Variants in NAA11 observed in about 807,000 individuals in gnomAD.
NAA11 encodes the protein N-alpha-acetyltransferase 11, NatA catalytic subunit.
Under a neutral mutation model 16.1 loss-of-function variants are expected in NAA11, and 15 were observed. The observed-to-expected ratio is 0.93, with a 90% confidence interval of 0.62 to 1.44. The LOEUF is 1.44. NAA11 is among the 40% of genes most tolerant of loss of function. NAA11 has a pLI of 0.00. For missense variants in NAA11, 298 were observed against 291.3 expected, an observed-to-expected ratio of 1.02 and a Z score of -0.17; for synonymous variants, 122 against 112.4, an observed-to-expected ratio of 1.09 and a Z score of -0.54.
the NAA11 span, among the ~76,000 whole-genome samples, chr4:79,215,660 A>G: frequency 3.3e-5 from 5 of 152,248 alleles, no homozygotes; most frequent in African/African-American, 4.8e-5. Flanking sequence ...CTATGTGAGT[A>G]TTCTGTCTTA....
chr4:79,246,730 A>G (rs970563281), intron 2 of NAA11, among the ~76,000 whole-genome samples: 1 of 152,256 alleles, frequency 6.6e-6, no homozygotes, highest in Admixed American at 6.5e-5. Context: ...GCATTCTTTC[A>G]TTTAATTAAT....
chr4:79,241,901 T>G (rs1395681195), intron 2 of NAA11, among the ~76,000 whole-genome samples: 1 of 152,252 alleles, frequency 6.6e-6, no homozygotes, highest in East Asian at 1.9e-4. Flanking sequence ...CACCTATCAC[T>G]ACATGCTTTT....
At chr4:79,178,970 A>C in the NAA11 span, among the ~76,000 whole-genome samples, 1 of 152,170 alleles carries the variant, frequency 6.6e-6, no homozygotes, top group East Asian at 1.9e-4. Context: ...ATGGGACTGG[A>C]GCCCAGAGAG....
the NAA11 span, among the ~76,000 whole-genome samples, chr4:79,210,170 G>GAGTC: frequency 6.6e-6 from 1 of 152,288 alleles, no homozygotes; most frequent in East Asian, 1.9e-4. Context: ...TCTGAAAAGG[G>GAGTC]AGTCAGTGGA....
the NAA11 span, among the ~76,000 whole-genome samples, chr4:79,205,131 T>C: frequency 2.0e-5 from 3 of 152,010 alleles, no homozygotes; most frequent in Non-Finnish European, 4.4e-5. Context: ...TAAATAGATA[T>C]GTGAGGTTGT....
At chr4:79,313,265 T>C (rs991514457), downstream of NAA11, among the ~76,000 whole-genome samples, 13 of 152,222 alleles carry the variant, frequency 8.5e-5, no homozygotes, top group African/African-American at 3.1e-4. Flanking sequence ...GGTTTTTTTT[T>C]ACACTAACTC....
chr4:79,218,787 A>G, the NAA11 span, among the ~76,000 whole-genome samples: 6 of 152,130 alleles, frequency 3.9e-5, no homozygotes, highest in African/African-American at 1.4e-4. Flanking sequence ...AAGATTTTCA[A>G]CATAGCTACA....
chr4:79,266,224 A>G (rs944456352), intron 2 of NAA11, among the ~76,000 whole-genome samples: 4 of 152,172 alleles, frequency 2.6e-5, no homozygotes, highest in Non-Finnish European at 5.9e-5. Flanking sequence ...GGAATCCATT[A>G]TGATCGGCAC....
the NAA11 span, among the ~76,000 whole-genome samples, chr4:79,169,363 A>G: frequency 6.6e-6 from 1 of 152,214 alleles, no homozygotes; most frequent in Admixed American, 6.5e-5. Context: ...CTATACTACA[A>G]GGCTACAGTA....
At chr4:79,183,838 G>A in the NAA11 span, among the ~76,000 whole-genome samples, 1,945 of 152,202 alleles carry the variant, frequency 0.013, 42 homozygotes, top group African/African-American at 0.044. Flanking sequence ...TTCTAAGGAT[G>A]TTTTAAATTT....
intron 2 of NAA11, among the ~76,000 whole-genome samples, chr4:79,232,818 T>C (rs1368602504): frequency 6.6e-6 from 1 of 151,930 alleles, no homozygotes; most frequent in Non-Finnish European, 1.5e-5. Context: ...CTAGATTGAG[T>C]CATGCTCTGT....
intron 2 of NAA11, among the ~76,000 whole-genome samples, chr4:79,240,648 G>A (rs1434802289): frequency 6.6e-6 from 1 of 152,174 alleles, no homozygotes; most frequent in East Asian, 1.9e-4. Flanking sequence ...ATGGGGAGAT[G>A]AGACTGCCAA....
intron 1 of NAA11, among the ~76,000 whole-genome samples, chr4:79,318,808 T>G (rs1338119776): frequency 6.6e-6 from 1 of 152,186 alleles, no homozygotes; most frequent in Non-Finnish European, 1.5e-5. Context: ...GCTTGAAAAT[T>G]TTAAGAAATT....
intron 2 of NAA11, among the ~76,000 whole-genome samples, chr4:79,272,658 T>C (rs1357309775): frequency 6.6e-6 from 1 of 152,072 alleles, no homozygotes; most frequent in African/African-American, 2.4e-5. Context: ...TCAGGAGTTA[T>C]GTCATCAGTA....
chr4:79,204,928 TACAC>T, the NAA11 span, among the ~76,000 whole-genome samples: 4 of 147,780 alleles, frequency 2.7e-5, no homozygotes, highest in African/African-American at 4.9e-5. Flanking sequence ...ATGGTGTGTA[TACAC>T]ACACACACAC....
At chr4:79,266,154 A>G (rs1194061831) in intron 2 of NAA11, among the ~76,000 whole-genome samples, 1 of 152,192 alleles carries the variant, frequency 6.6e-6, no homozygotes, top group Non-Finnish European at 1.5e-5. Flanking sequence ...GTTTTATAAC[A>G]GAATGTGGGA....
At chr4:79,236,990 A>G (rs955605251) in intron 2 of NAA11, among the ~76,000 whole-genome samples, 2 of 152,146 alleles carry the variant, frequency 1.3e-5, no homozygotes, top group African/African-American at 4.8e-5. Context: ...AAACTTTCAA[A>G]GGTCTTTTCT....
chr4:79,275,432 G>A (rs1389220916), intron 2 of NAA11, among the ~76,000 whole-genome samples: 7 of 151,928 alleles, frequency 4.6e-5, no homozygotes, highest in African/African-American at 1.5e-4. Flanking sequence ...AGATTTTTTC[G>A]CCCTACTAGT....
intron 1 of NAA11, among the ~76,000 whole-genome samples, chr4:79,323,916 T>G (rs1185720627): frequency 6.6e-6 from 1 of 151,132 alleles, no homozygotes; most frequent in East Asian, 2.0e-4. Context: ...GGCAGGAGAA[T>G]AGCTTGAACC....
Sources: gnomAD v4.1 joint callset for allele counts (sites outside exome capture counted in the v4.1 genomes callset) on GRCh38, gnomAD v4.1.1 for gene constraint, MANE v1.5 for transcripts, NCBI Gene and HGNC (gene_info 2026-07-23, HGNC 2026-07-21) for gene names.